Variants in TMED5 observed in about 807,000 individuals in gnomAD.
TMED5 encodes the protein transmembrane p24 trafficking protein 5.
TMED5 carries 27 observed loss-of-function variants against 23.0 expected under a neutral mutation model. That is an observed-to-expected ratio of 1.17 (90% CI 0.86 to 1.62). The LOEUF (loss-of-function observed/expected upper bound fraction) is 1.62, where lower values mean the gene tolerates loss of function less well. TMED5 is among the 40% of genes most tolerant of loss of function. The pLI, the probability that TMED5 is intolerant of heterozygous loss-of-function variation, is 0.00. For missense variants in TMED5, 248 were observed against 273.7 expected (o/e 0.91, Z 0.66); for synonymous variants, 97 against 100.8 (o/e 0.96, Z 0.23).
chr1:93,170,496 G>A (rs1407461492), intron 1 of TMED5, among the ~76,000 whole-genome samples: 3 of 152,208 alleles, frequency 2.0e-5, no homozygotes, highest in Non-Finnish European at 4.4e-5. Context: ...CGCCATGCCT[G>A]AGCCTCCCCT....
At chr1:93,175,439 A>C (rs549309000) in intron 1 of TMED5, among the ~76,000 whole-genome samples, 21 of 148,606 alleles carry the variant, frequency 1.4e-4, no homozygotes, top group African/African-American at 4.7e-4. Context: ...TATATGTATA[A>C]AATGTGTGTA....
intron 2 of TMED5, among the ~76,000 whole-genome samples, chr1:93,159,414 C>T (rs1167745340): frequency 6.6e-6 from 1 of 152,050 alleles, no homozygotes; most frequent in African/African-American, 2.4e-5. Context: ...TCCATATTTG[C>T]TCTTCTTCCT....
At chr1:93,159,999 T>C in intron 2 of TMED5, 130 bp downstream of exon 2, 2 of 563,898 alleles carry the variant, frequency 3.5e-6, no homozygotes, top group South Asian at 5.4e-5. Flanking sequence ...CACACTATCA[T>C]GAACTGTTTT....
rs111358131 is a variant in TMED5, at chr1:93,156,489, T to TA, written c.288-7dup. The TA allele has an allele frequency of 5.9e-5, 95 of 1,602,360 alleles. No individual in the cohort carries two copies. Among genetic ancestry groups the TA allele is most frequent in the Middle Eastern group, 1.7e-4 (1 of 6,004 alleles). On this transcript the variant is annotated splice_region_variant and splice_polypyrimidine_tract_variant and intron_variant, in intron 2 of 3. Transcript: ENST00000370282. ...CACCAACTTCAGTCTCTACACTGTA[T>TA]AAAAAAAAGTACATGTTTTAAGTTA...
chr1:93,178,701 G>T (rs965036741), intron 1 of TMED5, among the ~76,000 whole-genome samples: 2 of 152,024 alleles, frequency 1.3e-5, no homozygotes, highest in Non-Finnish European at 2.9e-5. Flanking sequence ...CCTCAGTTTT[G>T]CTCACTATGT....
At chr1:93,178,157 G>A (rs796920043) in intron 1 of TMED5, among the ~76,000 whole-genome samples, 3 of 152,130 alleles carry the variant, frequency 2.0e-5, no homozygotes, top group South Asian at 2.1e-4. Flanking sequence ...TACTCAGCAC[G>A]GCAAACAAGG....
At chr1:93,173,910 A>G (rs1419400271) in intron 1 of TMED5, among the ~76,000 whole-genome samples, 1 of 152,156 alleles carries the variant, frequency 6.6e-6, no homozygotes, top group African/African-American at 2.4e-5. Flanking sequence ...GGAAGAGTTC[A>G]CATCTAGGAG....
intron 2 of TMED5, among the ~76,000 whole-genome samples, chr1:93,159,125 C>T (rs1415057622): frequency 6.6e-6 from 1 of 152,088 alleles, no homozygotes; most frequent in Non-Finnish European, 1.5e-5. Context: ...ATGTATCAGG[C>T]ATTTTGGTTA....
chr1:93,155,847 T>G (rs185405225), intron 3 of TMED5, among the ~76,000 whole-genome samples: 16 of 152,352 alleles, frequency 1.1e-4, no homozygotes, highest in African/African-American at 3.6e-4. Context: ...TGCATGTGTT[T>G]ATAATATTTC....
chr1:93,180,390 TCCGAA>T lies in TMED5; in HGVS notation c.-153_-149del. 8.0e-7 allele frequency: 1 copy of T among 1,255,076 alleles called. No homozygotes were observed. Among genetic ancestry groups the T allele is most frequent in the Non-Finnish European group, 1.1e-6 (1 of 914,172 alleles). The allele number at this position is 1,255,076 out of a possible 1,614,324, so 77.7% of individuals were successfully genotyped here. On this transcript the variant is annotated 5_prime_UTR_variant, in exon 1 of 4. Transcript: ENST00000370282. ...GGCCGCGGCGGCGGCGAACACTCCC[TCCGAA>T]AGAGAAGCGCAGTTCTCCAAAGGGT... is the stretch of plus-strand genomic sequence containing the variant.
At chr1:93,175,326 C>CACAT (rs1376648925) in intron 1 of TMED5, among the ~76,000 whole-genome samples, 9 of 145,372 alleles carry the variant, frequency 6.2e-5, no homozygotes, top group Non-Finnish European at 1.1e-4. Context: ...TACACACACA[C>CACAT]ACACACACAC....
intron 1 of TMED5, among the ~76,000 whole-genome samples, chr1:93,163,921 G>A (rs1468359436): frequency 6.6e-6 from 1 of 150,446 alleles, no homozygotes; most frequent in East Asian, 2.0e-4. Flanking sequence ...AGGCAGAGTT[G>A]CAGTGAGCTG....
intron 1 of TMED5, among the ~76,000 whole-genome samples, chr1:93,164,446 G>A (rs1648410847): frequency 6.6e-6 from 1 of 152,126 alleles, no homozygotes; most frequent in Non-Finnish European, 1.5e-5. Flanking sequence ...CATACCATCA[G>A]TAAAAGGGTT....
At chr1:93,158,615 G>T (rs1421181655) in intron 2 of TMED5, among the ~76,000 whole-genome samples, 1 of 146,696 alleles carries the variant, frequency 6.8e-6, no homozygotes, top group Non-Finnish European at 1.5e-5. Flanking sequence ...TCTGTCGCCA[G>T]GCTGGAGTAC....
chr1:93,168,932 T>A (rs543146862), intron 1 of TMED5, among the ~76,000 whole-genome samples: 1 of 152,286 alleles, frequency 6.6e-6, no homozygotes, highest in African/African-American at 2.4e-5. Flanking sequence ...CTAACAACAA[T>A]GTATCAAAAT....
At chr1:93,162,826 C>G (rs1300212476) in intron 1 of TMED5, 1 of 152,124 alleles carries the variant, frequency 6.6e-6, no homozygotes, top group Admixed American at 6.5e-5. Context: ...AGAATTCTTA[C>G]ATATAACATT....
rs1648216187 is a variant in TMED5, at chr1:93,160,114, A to T, written c.287+15T>A. 4 of 1,567,324 alleles carry T rather than the reference A, an allele frequency of 2.6e-6. No homozygotes were observed. The highest frequency in any genetic ancestry group is 2.7e-5 in the African/African-American group (2 of 73,844). ...ATTATTCAGCAATGAAACTCAACTA[A>T]AAGAGATTACTTACGTGTGAACTCC... On this transcript the variant is annotated intron_variant, in intron 2 of 3. Transcript: ENST00000370282.
chr1:93,179,966 G>T, intron 1 of TMED5, 88 bp downstream of exon 1: 1 of 1,389,498 alleles, frequency 7.2e-7, no homozygotes, highest in Non-Finnish European at 9.8e-7. Context: ...CACCAGGGCC[G>T]TCCACCAGAA....
chr1:93,152,049 G>T lies in TMED5; in HGVS notation c.*2621C>A, dbSNP rs1054041004. On this transcript the variant is annotated 3_prime_UTR_variant, in exon 4 of 4. Coordinates refer to ENST00000370282, the MANE Select transcript of TMED5 (RefSeq NM_016040.5). ...TTTTCATTTGAGGAGACATACAATT[G>T]TAAGTGCTCATTTTTTGTCAATTTT... 2 of 152,580 alleles carry T rather than the reference G, an allele frequency of 1.3e-5. No individual in the cohort carries two copies. The highest frequency in any genetic ancestry group is 2.9e-5 in the Non-Finnish European group (2 of 68,016). 9.5% of individuals were successfully genotyped at this position (152,580 alleles called of 1,614,324 possible). A position where few individuals can be genotyped will look rare whatever the true frequency, so the allele number is the denominator to read the frequency against.
Sources: allele counts gnomAD v4.1 joint callset (sites outside exome capture counted in the v4.1 genomes callset), GRCh38; gene constraint gnomAD v4.1.1; transcripts MANE v1.5; gene names NCBI Gene and HGNC (gene_info 2026-07-23, HGNC 2026-07-21).